The following MYO1B variants were observed in gnomAD, a reference collection of about 807,000 sequenced individuals.
MYO1B encodes the protein myosin IB.
In MYO1B, 72 loss-of-function variants were observed where a neutral mutation model predicts 159.7. The observed-to-expected ratio is 0.45, with a 90% CI of 0.37 to 0.55. The LOEUF is 0.55. MYO1B is among the 20% of genes least tolerant of loss of function. MYO1B has a pLI of 0.00. For synonymous variants in MYO1B, 468 were observed against 473.8 expected (o/e 0.99, Z 0.16); for missense variants, 1,062 against 1,364.8 (o/e 0.78, Z 3.50).
chr2:191,305,324 G>A (rs1689584718), intron 3 of MYO1B, among the ~76,000 whole-genome samples: 1 of 152,184 alleles, frequency 6.6e-6, no homozygotes, highest in African/African-American at 2.4e-5. Context: ...GCCAGCCCAG[G>A]GAAGTTAGCA....
intron 7 of MYO1B, among the ~76,000 whole-genome samples, chr2:191,350,940 G>C (rs1490724585): frequency 6.6e-6 from 1 of 152,112 alleles, no homozygotes; most frequent in Non-Finnish European, 1.5e-5. Flanking sequence ...AGTGCTGTCA[G>C]TGCTTTGGAG....
At position 191,319,639 on chromosome 2, in the gene MYO1B, A is replaced by G. The variant is rs191379120; in HGVS notation, c.252-10296A>G. On this transcript the variant is annotated intron_variant, in intron 3 of 30. Coordinates refer to ENST00000392318, the MANE Select transcript of MYO1B (RefSeq NM_001130158.3). ...TGGCAGGATGTTGAGCCTCCGGACC[A>G]CATTAGGATCATGTCAGTCAAGACT... Among the ~76,000 whole-genome samples the G allele has an allele frequency of 4.3e-3, 661 of 152,294 alleles. 2 individuals are homozygous for G. Among genetic ancestry groups the G allele is most frequent in the Non-Finnish European group, 6.7e-3 (456 of 68,026 alleles).
intron 27 of MYO1B, among the ~76,000 whole-genome samples, chr2:191,412,393 T>A (rs1283073159): frequency 6.6e-6 from 1 of 152,236 alleles, no homozygotes; most frequent in Non-Finnish European, 1.5e-5. Flanking sequence ...CTGTTAGCAT[T>A]TTTATAATTT....
intron 1 of MYO1B, among the ~76,000 whole-genome samples, chr2:191,265,710 G>C (rs1687094602): frequency 6.6e-6 from 1 of 152,164 alleles, no homozygotes; most frequent in Non-Finnish European, 1.5e-5. Flanking sequence ...TGCCTCGAAG[G>C]AACGCATTGA....
chr2:191,290,531 G>A (rs550770351), intron 2 of MYO1B, among the ~76,000 whole-genome samples: 1 of 152,092 alleles, frequency 6.6e-6, no homozygotes, highest in Non-Finnish European at 1.5e-5. Context: ...TATTAGAATC[G>A]AACAAAAAAT....
intron 4 of MYO1B, among the ~76,000 whole-genome samples, chr2:191,336,982 T>G (rs1249454897): frequency 6.6e-6 from 1 of 152,212 alleles, no homozygotes; most frequent in Non-Finnish European, 1.5e-5. Flanking sequence ...TACATGATAT[T>G]GCCTATATCT....
At position 191,421,664 on chromosome 2, in the gene MYO1B, C is replaced by T. The variant is rs149108913; in HGVS notation, c.3288-2173C>T. ...CTAATTTGTGTATTTTTAGTAGAGA[C>T]GTGGGTTTGCCATGTTGGCCAGGCT... On this transcript the variant is annotated intron_variant, in intron 30 of 30. Coordinates refer to ENST00000392318, the MANE Select transcript of MYO1B (RefSeq NM_001130158.3). Among the ~76,000 whole-genome samples the T allele has an allele frequency of 2.4e-3, 361 of 152,184 alleles. 2 individuals are homozygous for T. The highest frequency in any genetic ancestry group is 8.3e-3 in the African/African-American group (345 of 41,504).
chr2:191,329,966 C>T lies in MYO1B; in HGVS notation c.283C>T (p.Leu95=). 1 of 1,612,600 alleles carries T rather than the reference C, an allele frequency of 6.2e-7. No homozygotes were observed. The highest frequency in any genetic ancestry group is 8.5e-7 in the Non-Finnish European group (1 of 1,179,134). ...FALSDEAYRS[L]RDQDKDQCIL... The stretch of plus-strand genomic sequence containing the variant: ...CCTTTCGGATGAAGCATACAGATCC[C>T]TACGAGATCAAGATAAGGACCAATG... Residue 95 remains leucine (L), a synonymous_variant, in exon 4 of 31, where the codon CTA becomes TTA. Coordinates refer to ENST00000392318, the MANE Select transcript of MYO1B (RefSeq NM_001130158.3).
At chr2:191,410,262 G>T (rs1459434266) in intron 26 of MYO1B, among the ~76,000 whole-genome samples, 2 of 152,178 alleles carry the variant, frequency 1.3e-5, no homozygotes, top group African/African-American at 4.8e-5. Context: ...GGAGGTGGGA[G>T]ATGAGGGCTG....
At chr2:191,366,964 A>G (rs912174763) in intron 11 of MYO1B, among the ~76,000 whole-genome samples, 1 of 151,708 alleles carries the variant, frequency 6.6e-6, no homozygotes, top group Non-Finnish European at 1.5e-5. Context: ...GGCAGGCCCC[A>G]TGTCTGTGCA....
At chr2:191,308,918 T>A (rs1235975007) in intron 3 of MYO1B, among the ~76,000 whole-genome samples, 1 of 152,228 alleles carries the variant, frequency 6.6e-6, no homozygotes, top group Non-Finnish European at 1.5e-5. Flanking sequence ...CCCGCCTTGC[T>A]GGCTGCTCCA....
chr2:191,403,117 C>A (rs1463394359), intron 24 of MYO1B, among the ~76,000 whole-genome samples: 1 of 152,070 alleles, frequency 6.6e-6, no homozygotes, highest in South Asian at 2.1e-4. Flanking sequence ...CTTTTTGTAC[C>A]AATTCTGCTC....
chr2:191,330,044 A>C lies in MYO1B; in HGVS notation c.346+15A>C, dbSNP rs781740038. ...AGGAAAAACAGGTAAGGCTCCTACC[A>C]AGCAACTCTGCAGAAGGTAAATGCT... On this transcript the variant is annotated intron_variant, in intron 4 of 30. Coordinates refer to ENST00000392318, the MANE Select transcript of MYO1B (RefSeq NM_001130158.3). 13 of 1,605,692 alleles carry C rather than the reference A, an allele frequency of 8.1e-6. No homozygotes were observed. Among genetic ancestry groups the C allele is most frequent in the Admixed American group, 6.7e-5 (4 of 59,686 alleles).
At chr2:191,311,820 A>G (rs868209599) in intron 3 of MYO1B, among the ~76,000 whole-genome samples, 11 of 152,228 alleles carry the variant, frequency 7.2e-5, no homozygotes, top group Admixed American at 1.3e-4. Flanking sequence ...AGTCATGGCT[A>G]TCTGGTTACT....
intron 2 of MYO1B, among the ~76,000 whole-genome samples, chr2:191,292,908 G>T (rs1383358217): frequency 1.3e-5 from 2 of 152,198 alleles, no homozygotes; most frequent in African/African-American, 4.8e-5. Context: ...TATATTTTCT[G>T]CTAGTCTCAC....
intron 2 of MYO1B, among the ~76,000 whole-genome samples, chr2:191,288,925 A>G (rs1322295186): frequency 2.6e-5 from 4 of 152,256 alleles, no homozygotes; most frequent in Admixed American, 6.5e-5. Context: ...GGAGATGCAG[A>G]CGACTCCTAT....
chr2:191,287,955 C>A (rs972493875), intron 2 of MYO1B, among the ~76,000 whole-genome samples: 3 of 151,118 alleles, frequency 2.0e-5, no homozygotes, highest in African/African-American at 7.3e-5. Flanking sequence ...GGAAGCTGTT[C>A]CATTCTCTGT....
At chr2:191,260,253 G>GGTTTTTTTTTTTTTTTTTTTTTTTT (rs1256549425) in intron 1 of MYO1B, among the ~76,000 whole-genome samples, 1 of 22,616 alleles carries the variant, frequency 4.4e-5, no homozygotes, top group Non-Finnish European at 7.8e-4. Flanking sequence ...TCCCAGATAG[G>GGTTTTTTTTTTTTTTTTTTTTTTTT]CTTTTTTTTT....
At chr2:191,332,691 C>T (rs549440871) in intron 4 of MYO1B, among the ~76,000 whole-genome samples, 5 of 152,190 alleles carry the variant, frequency 3.3e-5, no homozygotes, top group African/African-American at 9.6e-5. Flanking sequence ...AGCAATTTGC[C>T]AAAACTTATA....
Sources: gnomAD v4.1 joint callset for allele counts (sites outside exome capture counted in the v4.1 genomes callset) on GRCh38, gnomAD v4.1.1 for gene constraint, MANE v1.5 for transcripts, NCBI Gene and HGNC (gene_info 2026-07-23, HGNC 2026-07-21) for gene names.